Variants in HEMK2 observed in about 807,000 individuals in gnomAD.
HEMK2 encodes the protein HemK methyltransferase 2, ETF1 glutamine and histone H4 lysine, also known as methyltransferase HEMK2.
chr21:28,816,445 A>T, the HEMK2 span, among the ~76,000 whole-genome samples: 1 of 152,308 alleles, frequency 6.6e-6, no homozygotes, highest in Admixed American at 6.5e-5. Flanking sequence ...TGAAGTTGGA[A>T]GATCATTTGA....
the HEMK2 span, among the ~76,000 whole-genome samples, chr21:28,782,265 T>A: frequency 3.3e-5 from 5 of 152,334 alleles, 1 homozygote; most frequent in African/African-American, 1.2e-4. Flanking sequence ...CAGTCAAGGT[T>A]CACCTAATAC....
At chr21:28,812,190 G>A in the HEMK2 span, among the ~76,000 whole-genome samples, 32 of 152,294 alleles carry the variant, frequency 2.1e-4, no homozygotes, top group African/African-American at 7.5e-4. Flanking sequence ...TGATGCTATT[G>A]AATGATAGTA....
At chr21:28,750,235 C>T in the HEMK2 span, among the ~76,000 whole-genome samples, 1 of 152,156 alleles carries the variant, frequency 6.6e-6, no homozygotes, top group African/African-American at 2.4e-5. Flanking sequence ...GGAGAAAAAT[C>T]TTCTAAATAT....
At chr21:28,634,155 C>T in the HEMK2 span, among the ~76,000 whole-genome samples, 2 of 152,194 alleles carry the variant, frequency 1.3e-5, no homozygotes, top group Non-Finnish European at 2.9e-5. Context: ...ATTTTGAGAA[C>T]TCCAAGCAGA....
the HEMK2 span, among the ~76,000 whole-genome samples, chr21:28,671,783 C>T: frequency 3.9e-5 from 6 of 152,180 alleles, no homozygotes; most frequent in South Asian, 4.1e-4. Flanking sequence ...CTGACGGTTG[C>T]TTCCACAATC....
the HEMK2 span, among the ~76,000 whole-genome samples, chr21:28,684,780 A>G: frequency 6.6e-6 from 1 of 152,218 alleles, no homozygotes; most frequent in Non-Finnish European, 1.5e-5. Context: ...TCCTGGGTCG[A>G]ACATCCAACT....
the HEMK2 span, among the ~76,000 whole-genome samples, chr21:28,732,101 A>C: frequency 0.49 from 74,613 of 151,872 alleles, 20,790 homozygotes; most frequent in East Asian, 0.78. Flanking sequence ...ACGCAGGCTA[A>C]ATCACAGATG....
At chr21:28,755,185 T>C in the HEMK2 span, among the ~76,000 whole-genome samples, 909 of 152,290 alleles carry the variant, frequency 6.0e-3, 9 homozygotes, top group African/African-American at 0.021. Flanking sequence ...AGAAGGCTAA[T>C]GGCACCTAGA....
chr21:28,784,040 C>G, the HEMK2 span, among the ~76,000 whole-genome samples: 92 of 152,310 alleles, frequency 6.0e-4, no homozygotes, highest in African/African-American at 1.9e-3. Flanking sequence ...AGCCTCCCCC[C>G]ACGGCGGTGG....
the HEMK2 span, among the ~76,000 whole-genome samples, chr21:28,813,302 C>A: frequency 1.8e-4 from 27 of 152,108 alleles, no homozygotes; most frequent in Non-Finnish European, 4.0e-4. Context: ...TTCCTATACA[C>A]CAATAATAGT....
At chr21:28,658,956 T>C in the HEMK2 span, among the ~76,000 whole-genome samples, 10 of 152,152 alleles carry the variant, frequency 6.6e-5, no homozygotes, top group South Asian at 2.1e-4. Context: ...TAACTATTTG[T>C]TTCCTATGGC....
the HEMK2 span, among the ~76,000 whole-genome samples, chr21:28,811,764 T>C: frequency 5.3e-5 from 8 of 152,200 alleles, no homozygotes; most frequent in Admixed American, 2.0e-4. Context: ...CTACATAATA[T>C]GATGCCAATT....
At chr21:28,867,160 A>ATT in the HEMK2 span, among the ~76,000 whole-genome samples, 1 of 152,232 alleles carries the variant, frequency 6.6e-6, no homozygotes. Flanking sequence ...ACTTCTAGGT[A>ATT]TTGACTAGAG....
the HEMK2 span, among the ~76,000 whole-genome samples, chr21:28,675,170 C>T: frequency 1.4e-4 from 22 of 152,296 alleles, no homozygotes; most frequent in Non-Finnish European, 4.4e-5. Context: ...CCATGTCTTC[C>T]TCATACAAGA....
chr21:28,765,311 G>A, the HEMK2 span, among the ~76,000 whole-genome samples: 19 of 152,200 alleles, frequency 1.2e-4, no homozygotes, highest in African/African-American at 3.4e-4. Flanking sequence ...GCCTCATGAA[G>A]CCAAGGACTA....
At chr21:28,769,328 C>T in the HEMK2 span, among the ~76,000 whole-genome samples, 4 of 152,048 alleles carry the variant, frequency 2.6e-5, no homozygotes, top group African/African-American at 7.2e-5. Flanking sequence ...CTAACTTATA[C>T]GGTTTGGAAT....
chr21:28,769,535 T>C, the HEMK2 span, among the ~76,000 whole-genome samples: 26 of 152,228 alleles, frequency 1.7e-4, no homozygotes, highest in African/African-American at 5.1e-4. Context: ...TTCTAGGTTA[T>C]TATTAAAGTA....
At chr21:28,761,161 G>T in the HEMK2 span, among the ~76,000 whole-genome samples, 10 of 151,932 alleles carry the variant, frequency 6.6e-5, no homozygotes, top group Admixed American at 6.6e-4. Flanking sequence ...GAGGTTTTTT[G>T]AATCATCTAT....
At chr21:28,788,039 G>A in the HEMK2 span, among the ~76,000 whole-genome samples, 1 of 151,622 alleles carries the variant, frequency 6.6e-6, no homozygotes, top group Non-Finnish European at 1.5e-5. Context: ...TAGACTATAA[G>A]GCCATAGTCA....
Sources: allele counts gnomAD v4.1 joint callset (sites outside exome capture counted in the v4.1 genomes callset), GRCh38; gene constraint gnomAD v4.1.1; transcripts MANE v1.5; gene names NCBI Gene and HGNC (gene_info 2026-07-23, HGNC 2026-07-21).